ERC1: variants seen among roughly 807,000 people sequenced by gnomAD.
ERC1 encodes ELKS/RAB6-interacting/CAST family member 1.
A neutral mutation model predicts 132.0 loss-of-function variants in ERC1; 56 were observed. That is an observed-to-expected ratio of 0.42 (90% CI 0.34 to 0.53). The LOEUF (loss-of-function observed/expected upper bound fraction) is 0.53, where lower values mean the gene tolerates loss of function less well. ERC1 is among the 20% of genes least tolerant of loss of function. ERC1 has a pLI of 0.03. For missense variants in ERC1, 1,202 were observed against 1,349.9 expected (o/e 0.89, Z 1.72); for synonymous variants, 478 against 476.1 (o/e 1.00, Z -0.05).
chr12:1,294,864 G>A (rs956291993), intron 15 of ERC1, among the ~76,000 whole-genome samples: 4 of 152,182 alleles, frequency 2.6e-5, no homozygotes, highest in East Asian at 1.9e-4. Flanking sequence ...TCTCCAGAGT[G>A]TACCTTATAG....
chr12:1,374,544 T>C (rs945009309), intron 16 of ERC1, among the ~76,000 whole-genome samples: 1 of 152,190 alleles, frequency 6.6e-6, no homozygotes, highest in African/African-American at 2.4e-5. Context: ...AGCCAGTGTG[T>C]TCAGACCTTA....
At chr12:1,074,764 T>C (rs913236509) in intron 2 of ERC1, among the ~76,000 whole-genome samples, 2 of 152,224 alleles carry the variant, frequency 1.3e-5, no homozygotes, top group Admixed American at 1.3e-4. Flanking sequence ...GATGATCTTA[T>C]TTTTCCTGGA....
At chr12:1,280,359 T>G (rs2078595358) in intron 14 of ERC1, among the ~76,000 whole-genome samples, 1 of 152,158 alleles carries the variant, frequency 6.6e-6, no homozygotes, top group African/African-American at 2.4e-5. Context: ...AACAGATAGT[T>G]TTTGTGTGTG....
rs190169991 is a variant in ERC1 at position 1,314,197 on chromosome 12, C to G, written c.2780+24185C>G. On this transcript the variant is annotated intron_variant, in intron 15 of 18. Transcript: ENST00000360905. ...ATAAAGCCTTAAGAAAAATACTTAC[C>G]CTATCTGGGCCTCTGTTTCTCCATC... Among the ~76,000 whole-genome samples the G allele has an allele frequency of 3.8e-3, 574 of 152,080 alleles. 1 individual carries two copies. Among genetic ancestry groups the G allele is most frequent in the African/African-American group, 0.013 (532 of 41,510 alleles).
intron 12 of ERC1, among the ~76,000 whole-genome samples, chr12:1,226,527 C>T (rs1050616791): frequency 5.3e-5 from 8 of 152,168 alleles, no homozygotes; most frequent in Non-Finnish European, 1.0e-4. Context: ...TCAGAACTTA[C>T]TCATCTTCTG....
chr12:1,055,749 A>G (rs1209750454), intron 2 of ERC1, among the ~76,000 whole-genome samples: 3 of 152,220 alleles, frequency 2.0e-5, no homozygotes, highest in South Asian at 2.1e-4. Context: ...ACCTAGGGAC[A>G]GGTAGATTTT....
rs2154271116 is a variant in ERC1 at position 1,181,945 on chromosome 12, A to C, written c.1896A>C (p.Leu632Phe). The change falls in exon 10 of 19, where the codon TTA becomes TTC. Residue 632 changes from leucine to phenylalanine, a missense_variant. Transcript: ENST00000360905. ...ATCAGGAGCGGACAATTGAACGCTT[A>C]AAGGAGCAGAGGGACAGAGATGAGC... is the stretch of plus-strand genomic sequence containing the variant. ...LAEKERTIER[L>F]KEQRDRDERE... 2 of 1,614,002 alleles carry C rather than the reference A, an allele frequency of 1.2e-6. No homozygotes were observed. Among genetic ancestry groups the C allele is most frequent in the East Asian group, 4.5e-5 (2 of 44,876 alleles).
chr12:1,361,250 G>T (rs946913723), intron 15 of ERC1, among the ~76,000 whole-genome samples: 50 of 133,568 alleles, frequency 3.7e-4, no homozygotes, highest in Middle Eastern at 3.9e-3. Context: ...ACACACCGGG[G>T]ACTGTTGTGG....
intron 18 of ERC1, among the ~76,000 whole-genome samples, chr12:1,473,850 T>G (rs1369595664): frequency 1.3e-5 from 2 of 152,202 alleles, no homozygotes; most frequent in Non-Finnish European, 2.9e-5. Flanking sequence ...AAAGGGATTC[T>G]GTAGAGTCAA....
intron 3 of ERC1, among the ~76,000 whole-genome samples, chr12:1,094,450 G>A (rs190122597): frequency 1.0e-3 from 142 of 136,626 alleles, no homozygotes; most frequent in African/African-American, 3.0e-3. Context: ...TCGCTCTATC[G>A]CCCAGGCTGG....
At chr12:1,371,354 C>T (rs530809969) in intron 15 of ERC1, among the ~76,000 whole-genome samples, 1 of 152,176 alleles carries the variant, frequency 6.6e-6, no homozygotes, top group African/African-American at 2.4e-5. Context: ...AAGATAACAA[C>T]ATGATAAAGA....
chr12:1,462,544 CTG>C (rs1379934242), intron 18 of ERC1, among the ~76,000 whole-genome samples: 1 of 152,128 alleles, frequency 6.6e-6, no homozygotes. Context: ...TTCAGAAACA[CTG>C]TGTTAAGCAA....
At chr12:1,000,627 G>A (rs1393390835) in intron 1 of ERC1, among the ~76,000 whole-genome samples, 1 of 152,166 alleles carries the variant, frequency 6.6e-6, no homozygotes, top group East Asian at 1.9e-4. Context: ...GCTGGGTGTG[G>A]TGGTGTGTGC....
chr12:1,484,022 C>G (rs1192232625), intron 18 of ERC1, among the ~76,000 whole-genome samples: 7 of 150,898 alleles, frequency 4.6e-5, no homozygotes, highest in African/African-American at 1.7e-4. Flanking sequence ...AATCTTTGTT[C>G]CAGCCGGGCG....
At chr12:1,168,088 C>G (rs1039108329) in intron 8 of ERC1, among the ~76,000 whole-genome samples, 2 of 152,096 alleles carry the variant, frequency 1.3e-5, no homozygotes, top group Admixed American at 1.3e-4. Context: ...GCATCCCATT[C>G]AGGCTGAACT....
intron 17 of ERC1, among the ~76,000 whole-genome samples, chr12:1,424,581 C>T (rs1389030381): frequency 6.6e-6 from 1 of 152,142 alleles, no homozygotes; most frequent in Non-Finnish European, 1.5e-5. Flanking sequence ...ATCCTCAAGG[C>T]AGTGGTGTCT....
At chr12:1,065,518 G>GTGTGTGTGTGTGTT (rs1938982475) in intron 2 of ERC1, among the ~76,000 whole-genome samples, 1 of 144,938 alleles carries the variant, frequency 6.9e-6, no homozygotes, top group Non-Finnish European at 1.5e-5. Context: ...GTGTGTGTGT[G>GTGTGTGTGTGTGTT]TGTTTGTATA....
intron 1 of ERC1, chr12:1,027,537 A>T: frequency 4.9e-6 from 1 of 202,162 alleles, no homozygotes; most frequent in African/African-American, 2.3e-5. Context: ...TTCCAGTTGC[A>T]TGGTATGTTT....
chr12:1,035,191 A>G (rs1968830825), intron 2 of ERC1, among the ~76,000 whole-genome samples: 1 of 152,236 alleles, frequency 6.6e-6, no homozygotes. Context: ...CATAGCCCTC[A>G]GAGGTCAGGC....
Sources: gnomAD v4.1 joint callset for allele counts (sites outside exome capture counted in the v4.1 genomes callset) on GRCh38, gnomAD v4.1.1 for gene constraint, MANE v1.5 for transcripts, NCBI Gene and HGNC (gene_info 2026-07-23, HGNC 2026-07-21) for gene names.